Variants in PCDHGB5 observed in about 807,000 individuals in gnomAD.
PCDHGB5 encodes protocadherin gamma-B5.
Under a neutral mutation model 62.9 loss-of-function variants are expected in PCDHGB5, and 48 were observed. That is an observed-to-expected ratio of 0.76 (90% CI 0.61 to 0.97). The LOEUF is 0.97. Ranked by LOEUF, PCDHGB5 falls within the 50% of genes least tolerant of loss-of-function variation. The pLI is 0.00. For missense variants in PCDHGB5, 1,118 were observed against 1,198.6 expected (o/e 0.93, Z 0.99); for synonymous variants, 474 against 511.2 (o/e 0.93, Z 0.98).
At chr5:141,417,001 A>G (rs1590037654) in intron 1 of PCDHGB5, 1 of 150,924 alleles carries the variant, frequency 6.6e-6, no homozygotes, top group African/African-American at 2.5e-5. Context: ...TTCATCTCAA[A>G]TAATTCTATT....
At chr5:141,408,955 T>G in intron 1 of PCDHGB5, 1 of 1,613,616 alleles carries the variant, frequency 6.2e-7, no homozygotes, top group South Asian at 1.1e-5. Flanking sequence ...GAATTAGTCT[T>G]AGTGAAAATC....
At chr5:141,430,652 A>G in intron 1 of PCDHGB5, 1 of 1,069,464 alleles carries the variant, frequency 9.4e-7, no homozygotes. Context: ...ATGTGGAAAC[A>G]ACGGAGGAGC....
intron 1 of PCDHGB5, chr5:141,423,481 C>G: frequency 6.2e-7 from 1 of 1,613,908 alleles, no homozygotes; most frequent in South Asian, 1.1e-5. Context: ...GGCTTTCCTG[C>G]AAACCTATTC....
chr5:141,428,624 C>CT, intron 1 of PCDHGB5: 1 of 193,988 alleles, frequency 5.2e-6, no homozygotes, highest in South Asian at 1.1e-4. Context: ...AAGATAAGCT[C>CT]TAACTCTGTT....
At position 141,413,564 on chromosome 5, in the gene PCDHGB5, T is replaced by C. The variant is rs762044373; in HGVS notation, c.2397+13040T>C. 9 of 1,613,760 alleles carry C rather than the reference T, an allele frequency of 5.6e-6. No homozygotes were observed. The Admixed American group carries it at 1.2e-4, about 21-fold the overall frequency. ...GGGATAGAAATAGAAGTAACTGATA[T>C]CAATGACAATGCTCCAAAATTCCAA... On this transcript the variant is annotated intron_variant, in intron 1 of 3. Coordinates refer to ENST00000617380, the MANE Select transcript of PCDHGB5 (RefSeq NM_018925.3).
chr5:141,438,591 C>CATAT (rs946798767), intron 1 of PCDHGB5, among the ~76,000 whole-genome samples: 211 of 75,392 alleles, frequency 2.8e-3, no homozygotes, highest in Non-Finnish European at 4.1e-3. Context: ...TACATACATA[C>CATAT]ATATATATAT....
At position 141,400,120 on chromosome 5, in the gene PCDHGB5, C is replaced by T; in HGVS notation, c.1993C>T (p.Gln665Ter). 2 of 1,614,076 alleles carry T rather than the reference C, an allele frequency of 1.2e-6. No individual in the cohort carries two copies. The highest frequency in any genetic ancestry group is 1.7e-6 in the Non-Finnish European group (2 of 1,179,904). Reference sequence around the variant, plus strand: ...GCACTTGGTCTTTGCTGACAGCTTGCAGGAGGTGCTGCCGGATATCACTGA... The same window carrying T: ...GCACTTGGTCTTTGCTGACAGCTTGTAGGAGGTGCTGCCGGATATCACTGA... ...TLHLVFADSL[Q>*]EVLPDITDRP... The change falls in exon 1 of 4, where the codon CAG (glutamine) becomes TAG (stop). Residue 665 changes from glutamine (Q) to a stop codon, truncating the protein, a stop_gained. Coordinates refer to ENST00000617380, the MANE Select transcript of PCDHGB5 (RefSeq NM_018925.3). LOFTEE classifies it high-confidence loss of function.
At chr5:141,405,094 C>T (rs1289372327) in intron 1 of PCDHGB5, 4 of 1,613,840 alleles carry the variant, frequency 2.5e-6, no homozygotes, top group Non-Finnish European at 3.4e-6. Flanking sequence ...TGCTGGCCCT[C>T]AGGCTGAGGC....
intron 1 of PCDHGB5, chr5:141,404,094 A>C: frequency 6.2e-7 from 1 of 1,613,620 alleles, no homozygotes; most frequent in South Asian, 1.1e-5. Context: ...AAGAATGGTC[A>C]AGTTGTCTGT....
chr5:141,468,274 G>A (rs1461428449), intron 1 of PCDHGB5, among the ~76,000 whole-genome samples: 1 of 144,906 alleles, frequency 6.9e-6, no homozygotes, highest in Non-Finnish European at 1.5e-5. Flanking sequence ...GTGGTGAGCC[G>A]AGACCACGCC....
At chr5:141,402,580 T>C (rs1217508250) in intron 1 of PCDHGB5, among the ~76,000 whole-genome samples, 3 of 152,226 alleles carry the variant, frequency 2.0e-5, no homozygotes, top group South Asian at 4.1e-4. Context: ...CTCAGATATC[T>C]AAAAAATAGA....
At chr5:141,404,129 A>C in intron 1 of PCDHGB5, 2 of 1,613,162 alleles carry the variant, frequency 1.2e-6, no homozygotes, top group Non-Finnish European at 1.7e-6. Context: ...TCTATCTTTT[A>C]CATTAGAAAA....
At chr5:141,452,895 A>G (rs527695680) in intron 1 of PCDHGB5, among the ~76,000 whole-genome samples, 16 of 152,312 alleles carry the variant, frequency 1.1e-4, no homozygotes, top group African/African-American at 3.6e-4. Flanking sequence ...TTCCACTTTT[A>G]TTAGTTGGCA....
At chr5:141,463,438 C>CTTTTTT (rs71576115) in intron 1 of PCDHGB5, among the ~76,000 whole-genome samples, 4 of 103,256 alleles carry the variant, frequency 3.9e-5, no homozygotes, top group African/African-American at 1.3e-4. Context: ...TTTCCTTCTC[C>CTTTTTT]TTTTTTTTTT....
In PCDHGB5 at chr5:141,478,136, C is replaced by G. The variant is rs529858044; in HGVS notation, c.2398-16671C>G. 1.4e-4 allele frequency: 218 copies of G among 1,614,048 alleles called. 3 individuals are homozygous for G. The South Asian group carries it at 2.2e-3, about 17-fold the overall frequency. ...AGTAACCGAGGACTCTCCTGAAGCC[C>G]GAGCCGAGTTCCCCTCTGGCTCTGC... is the stretch of plus-strand genomic sequence containing the variant. On this transcript the variant is annotated intron_variant, in intron 1 of 3. Coordinates refer to ENST00000617380, the MANE Select transcript of PCDHGB5 (RefSeq NM_018925.3).
chr5:141,505,960 G>A (rs2099849410), intron 3 of PCDHGB5, among the ~76,000 whole-genome samples: 1 of 152,202 alleles, frequency 6.6e-6, no homozygotes, highest in Non-Finnish European at 1.5e-5. Context: ...AGTGGGTGTA[G>A]AAATCCCCAG....
chr5:141,399,862 G>T lies in PCDHGB5; in HGVS notation c.1735G>T (p.Glu579Ter). 1 of 1,612,900 alleles carries T rather than the reference G, an allele frequency of 6.2e-7. No individual in the cohort carries two copies. The highest frequency in any genetic ancestry group is 1.1e-5 in the South Asian group (1 of 91,060). Residue 579 changes from glutamate (E) to a stop codon, truncating the protein, a stop_gained, in exon 1 of 4, where the codon GAG (glutamate) becomes TAG (stop). Coordinates refer to ENST00000617380, the MANE Select transcript of PCDHGB5 (RefSeq NM_018925.3). LOFTEE classifies it high-confidence loss of function. ...ALFDMVPRAAEPGYLVTKVVA... is the reference protein window; with the variant it reads ...ALFDMVPRAA ...CTTCGATATGGTGCCGCGCGCTGCA[G>T]AGCCCGGCTACCTGGTGACCAAGGT...
intron 2 of PCDHGB5, among the ~76,000 whole-genome samples, chr5:141,502,989 G>A (rs140974023): frequency 0.024 from 3,652 of 150,590 alleles, 56 homozygotes; most frequent in East Asian, 0.043. Context: ...GATTACAGGC[G>A]TGTGCCACCA....
intron 1 of PCDHGB5, chr5:141,468,556 GAT>G (rs754546771): frequency 6.6e-6 from 1 of 151,930 alleles, no homozygotes; most frequent in Non-Finnish European, 1.5e-5. Flanking sequence ...TAACATTTGT[GAT>G]ATAGTAAACA....
Sources: allele counts gnomAD v4.1 joint callset (sites outside exome capture counted in the v4.1 genomes callset), GRCh38; gene constraint gnomAD v4.1.1; transcripts MANE v1.5; gene names NCBI Gene and HGNC (gene_info 2026-07-23, HGNC 2026-07-21).